ZZEF1: variants seen among roughly 807,000 people sequenced by gnomAD.
ZZEF1 encodes the protein zinc finger ZZ-type and EF-hand domain-containing protein 1.
A neutral mutation model predicts 342.8 loss-of-function variants in ZZEF1; 157 were observed. The ratio of observed to expected loss-of-function variants is 0.46; its 90% CI spans 0.40 to 0.52. The LOEUF (loss-of-function observed/expected upper bound fraction) is 0.52, where lower values mean the gene tolerates loss of function less well. Among genes scored for constraint, ZZEF1 ranks in the 20% least tolerant of loss-of-function variants. The pLI is 0.00. For missense variants in ZZEF1, 3,480 were observed against 3,725.6 expected (o/e 0.93, Z 1.72); for synonymous variants, 1,505 against 1,429.1 (o/e 1.05, Z -1.20).
chr17:4,012,317 C>A (rs939972856), intron 52 of ZZEF1, among the ~76,000 whole-genome samples: 4 of 152,230 alleles, frequency 2.6e-5, no homozygotes, highest in Non-Finnish European at 4.4e-5. Flanking sequence ...TCTCTCTCCA[C>A]GCTGCTTATG....
chr17:4,074,464 A>C, intron 23 of ZZEF1, 113 bp from the exon 24 acceptor site: 1 of 1,116,138 alleles, frequency 9.0e-7, no homozygotes, highest in Non-Finnish European at 1.3e-6. Context: ...CTCTATTTCC[A>C]CATGTCCAAA....
chr17:4,006,886 A>C lies in ZZEF1; in HGVS notation c.*4T>G. ...AACTAGTCCCATGCACGCCCCACCA[A>C]GGGCTAACACTCCACATTCCAGAGG... is the stretch of plus-strand genomic sequence containing the variant. On this transcript the variant is annotated 3_prime_UTR_variant, in exon 55 of 55. Transcript: ENST00000381638. 2 of 1,582,776 alleles carry C rather than the reference A, an allele frequency of 1.3e-6. No individual in the cohort carries two copies. The highest frequency in any genetic ancestry group is 2.7e-5 in the African/African-American group (2 of 74,592).
intron 5 of ZZEF1, among the ~76,000 whole-genome samples, chr17:4,111,782 A>AT (rs2058306780): frequency 7.3e-6 from 1 of 136,956 alleles, no homozygotes; most frequent in African/African-American, 2.7e-5. Context: ...ATATATTTAT[A>AT]ATCCCAACGT....
At position 4,008,789 on chromosome 17, in the gene ZZEF1, C is replaced by T. The variant is rs1269829923; in HGVS notation, c.8805+94G>A. The T allele has an allele frequency of 3.9e-5, 59 of 1,504,084 alleles. No homozygotes were observed. Among genetic ancestry groups the T allele is most frequent in the Non-Finnish European group, 4.8e-5 (54 of 1,124,508 alleles). 93.2% of individuals were successfully genotyped at this position (1,504,084 alleles called of 1,614,324 possible). A position where few individuals can be genotyped will look rare whatever the true frequency, so the allele number is the denominator to read the frequency against. ...TAAGCTCCGGGTGGATTCTGTCCTA[C>T]TCAGACGCAATGTACAGACCTTCTC... On this transcript the variant is annotated intron_variant, in intron 54 of 54. Transcript: ENST00000381638. This position sits in a 1 kb window ranked among gnomAD's most constrained non-coding sequence, Gnocchi z 4.2.
intron 1 of ZZEF1, among the ~76,000 whole-genome samples, chr17:4,127,865 C>T (rs1376052559): frequency 1.3e-5 from 2 of 152,184 alleles, no homozygotes; most frequent in Non-Finnish European, 2.9e-5. Context: ...TCAGGGAACG[C>T]ACCTATAGCC....
intron 29 of ZZEF1, 134 bp from the exon 30 acceptor site, chr17:4,063,051 G>T: frequency 1.2e-6 from 1 of 843,434 alleles, no homozygotes; most frequent in Non-Finnish European, 1.7e-6. Flanking sequence ...ACACCATGTA[G>T]GAGAAGTACC....
At position 4,051,037 on chromosome 17, in the gene ZZEF1, C is replaced by T. The variant is rs1023179281; in HGVS notation, c.5607G>A (p.Leu1869=). 1 of 1,614,132 alleles carries T rather than the reference C, an allele frequency of 6.2e-7. No individual in the cohort carries two copies. Among genetic ancestry groups the T allele is most frequent in the Non-Finnish European group, 8.5e-7 (1 of 1,180,048 alleles). Residue 1869 remains leucine, a synonymous_variant, in exon 36 of 55, where the codon TTG becomes TTA. Coordinates refer to ENST00000381638, the MANE Select transcript of ZZEF1 (RefSeq NM_015113.4). ...YAAKKYSYGH[L]PTHSITAHPM... ...GGTGGGCCGTGATGCTGTGGGTAGG[C>T]AAATGGCTGCAAAGGCAAGACACAT...
intron 14 of ZZEF1, among the ~76,000 whole-genome samples, 195 bp from the exon 15 acceptor site, chr17:4,086,850 G>A (rs1182425394): frequency 2.0e-5 from 3 of 152,168 alleles, no homozygotes; most frequent in African/African-American, 7.2e-5. Context: ...GATCCCATCT[G>A]ACTCTGCCCA....
chr17:4,068,224 T>C (rs1048149783), intron 26 of ZZEF1, among the ~76,000 whole-genome samples: 5 of 152,220 alleles, frequency 3.3e-5, no homozygotes, highest in African/African-American at 1.2e-4. Context: ...TGATAATTAT[T>C]TTAAGCTTTT....
chr17:4,009,908 G>C (rs1017878151), intron 52 of ZZEF1, 151 bp from the exon 53 acceptor site: 5 of 861,400 alleles, frequency 5.8e-6, no homozygotes, highest in African/African-American at 1.7e-5. Context: ...TCCCCACAAA[G>C]CAGCCACGAA....
intron 46 of ZZEF1, among the ~76,000 whole-genome samples, chr17:4,018,784 G>A (rs2056185003): frequency 6.6e-6 from 1 of 152,104 alleles, no homozygotes; most frequent in Non-Finnish European, 1.5e-5. Flanking sequence ...GGCAGTGCAG[G>A]TGAGCGAGGT....
intron 43 of ZZEF1, among the ~76,000 whole-genome samples, chr17:4,024,311 C>G (rs1397459950): frequency 6.7e-6 from 1 of 148,826 alleles, no homozygotes; most frequent in Non-Finnish European, 1.5e-5. Flanking sequence ...GATTCTCATG[C>G]CTCAGCCTCC....
At chr17:4,124,164 A>G (rs1167123238) in intron 1 of ZZEF1, 113 bp from the exon 2 acceptor site, 30 of 1,318,064 alleles carry the variant, frequency 2.3e-5, no homozygotes, top group Non-Finnish European at 2.8e-5. Flanking sequence ...TTTTGGTTGC[A>G]GAGAGAAGAG....
chr17:4,052,114 G>A lies in ZZEF1; in HGVS notation c.5457C>T (p.His1819=), dbSNP rs142388326. 86 of 1,613,396 alleles carry A rather than the reference G, an allele frequency of 5.3e-5. No individual in the cohort carries two copies. The African/African-American group carries it at 9.5e-4, about 18-fold the overall frequency. ...CFLGGVKPEG[H]GDDHEMVNME... ...TGTTGACCATTTCATGGTCGTCTCCGTGGCCCTCAGGCTTCACCCCACCTG... is the reference window on the plus strand; with the variant it reads ...TGTTGACCATTTCATGGTCGTCTCCATGGCCCTCAGGCTTCACCCCACCTG... Residue 1819 remains histidine, a synonymous_variant, in exon 35 of 55, where the codon CAC becomes CAT. Coordinates refer to ENST00000381638, the MANE Select transcript of ZZEF1 (RefSeq NM_015113.4).
chr17:4,030,422 TG>T (rs1419798596), intron 42 of ZZEF1, among the ~76,000 whole-genome samples: 1 of 152,254 alleles, frequency 6.6e-6, no homozygotes, highest in Non-Finnish European at 1.5e-5. Flanking sequence ...ACCTTTATAA[TG>T]GGTTTATCAG....
intron 1 of ZZEF1, among the ~76,000 whole-genome samples, chr17:4,132,702 G>A (rs1354030374): frequency 8.6e-6 from 1 of 116,472 alleles, no homozygotes; most frequent in African/African-American, 2.6e-5. Context: ...TGTGGTGGCG[G>A]GCGCCTGTAA....
intron 9 of ZZEF1, among the ~76,000 whole-genome samples, chr17:4,101,394 A>C (rs2058124097): frequency 6.6e-6 from 1 of 152,038 alleles, no homozygotes; most frequent in Non-Finnish European, 1.5e-5. Context: ...CCTCTAGTGA[A>C]TCAGCAAGAT....
At chr17:4,135,733 G>A (rs907848479) in intron 1 of ZZEF1, among the ~76,000 whole-genome samples, 1 of 152,024 alleles carries the variant, frequency 6.6e-6, no homozygotes, top group African/African-American at 2.4e-5. Context: ...TCAGGTCCTC[G>A]GAGTTCCTGC....
At chr17:4,088,197 G>A (rs971230543) in intron 13 of ZZEF1, among the ~76,000 whole-genome samples, 2 of 152,118 alleles carry the variant, frequency 1.3e-5, no homozygotes, top group Admixed American at 6.5e-5. Context: ...TGAGTGAGTT[G>A]TCACTGTGTT....
Sources: gnomAD v4.1 joint callset for allele counts (sites outside exome capture counted in the v4.1 genomes callset) on GRCh38, gnomAD v4.1.1 for gene constraint, Gnocchi (gnomAD v3.1) non-coding constraint, MANE v1.5 for transcripts, NCBI Gene and HGNC (gene_info 2026-07-23, HGNC 2026-07-21) for gene names.